Variants in PRSS3 observed in about 807,000 individuals in gnomAD.
The protein encoded by PRSS3 is trypsin-3.
PRSS3 carries 14 observed loss-of-function variants against 20.8 expected under a neutral mutation model. The ratio of observed to expected loss-of-function variants is 0.67; its 90% CI spans 0.44 to 1.05. The LOEUF (loss-of-function observed/expected upper bound fraction) is 1.05. Among genes scored for constraint, PRSS3 ranks in the 50% least tolerant of loss-of-function variants. The pLI is 0.00. For synonymous variants in PRSS3, 91 were observed against 117.6 expected, an observed-to-expected ratio of 0.77 and a Z score of 1.46; for missense variants, 237 against 306.4, an observed-to-expected ratio of 0.77 and a Z score of 1.69.
At chr9:33,770,501 G>A (rs770253574) in intron 1 of PRSS3, among the ~76,000 whole-genome samples, 1 of 152,188 alleles carries the variant, frequency 6.6e-6, no homozygotes, top group Non-Finnish European at 1.5e-5. Flanking sequence ...AGGGAGCAGA[G>A]GACAGGGTGT....
chr9:33,760,425 G>A (rs567518013), intron 1 of PRSS3, among the ~76,000 whole-genome samples: 281 of 152,228 alleles, frequency 1.8e-3, no homozygotes, highest in African/African-American at 5.5e-3. Flanking sequence ...AAGAGCCATG[G>A]AGAGTCCCTC....
upstream of PRSS3, among the ~76,000 whole-genome samples, chr9:33,792,026 C>A (rs1202359938): frequency 6.6e-6 from 1 of 152,178 alleles, no homozygotes; most frequent in Non-Finnish European, 1.5e-5. Flanking sequence ...TGCTCTGCGA[C>A]TCCATATTAC....
upstream of PRSS3, chr9:33,793,566 C>T (rs1824739715): frequency 1.8e-6 from 1 of 558,448 alleles, no homozygotes; most frequent in Admixed American, 6.4e-5. Flanking sequence ...ATTCAATCAT[C>T]TATTTCTGCC....
chr9:33,769,879 A>G (rs111476041), intron 1 of PRSS3, among the ~76,000 whole-genome samples: 1 of 152,226 alleles, frequency 6.6e-6, no homozygotes. Flanking sequence ...CAAGCCTTGG[A>G]ATTGGGCTGG....
chr9:33,794,768 T>G (rs1179686068), upstream of PRSS3: 5 of 1,550,396 alleles, frequency 3.2e-6, no homozygotes, highest in Non-Finnish European at 2.6e-6. Context: ...ACCGTGAGGC[T>G]GCATAAAAAG....
Position 33,798,646 on chromosome 9 carries a change from G to A in PRSS3, c.591+24G>A, listed in dbSNP as rs747264323. The A allele has an allele frequency of 2.4e-5, 38 of 1,613,760 alleles. No individual in the cohort carries two copies. The Admixed American group carries it at 4.5e-4, about 19-fold the overall frequency. On this transcript the variant is annotated intron_variant, in intron 4 of 4. Transcript: ENST00000379405. ...AGGTGATTTGACCCTTTCCCATGCT[G>A]AGGCTCCCACCGATACCCAGGCCCC... is the stretch of plus-strand genomic sequence containing the variant.
At chr9:33,796,445 C>A (rs1824943817) in intron 1 of PRSS3, among the ~76,000 whole-genome samples, 198 bp from the exon 2 acceptor site, 1 of 152,244 alleles carries the variant, frequency 6.6e-6, no homozygotes, top group Non-Finnish European at 1.5e-5. Flanking sequence ...CTGCAGGGTA[C>A]CTAGCTACGT....
intron 1 of PRSS3, among the ~76,000 whole-genome samples, chr9:33,778,929 T>A (rs1020473075): frequency 6.6e-6 from 1 of 152,230 alleles, no homozygotes; most frequent in African/African-American, 2.4e-5. Context: ...GCCATTACTC[T>A]TAAGCGCCAT....
At position 33,796,698 on chromosome 9, in the gene PRSS3, G is replaced by A. The variant is rs1223293760; in HGVS notation, c.96G>A (p.Glu32=). Residue 32 remains glutamate (E), a synonymous_variant, in exon 2 of 5, where the codon GAG becomes GAA. Transcript: ENST00000379405. ...DKIVGGYTCE[E]NSLPYQVSLN... Reference sequence around the variant, plus strand: ...TTGTTGGGGGCTACACCTGTGAGGAGAATTCTCTCCCCTACCAGGTGTCCC... The same window carrying A: ...TTGTTGGGGGCTACACCTGTGAGGAAAATTCTCTCCCCTACCAGGTGTCCC... 6.2e-7 allele frequency: 1 copy of A among 1,611,946 alleles called. No homozygotes were observed. Among genetic ancestry groups the A allele is most frequent in the Admixed American group, 1.7e-5 (1 of 59,922 alleles).
At chr9:33,772,503 C>T (rs1823752881) in intron 1 of PRSS3, among the ~76,000 whole-genome samples, 1 of 152,084 alleles carries the variant, frequency 6.6e-6, no homozygotes, top group Non-Finnish European at 1.5e-5. Flanking sequence ...TGTGACAGAG[C>T]CTGAGTTGCC....
chr9:33,766,401 G>A (rs1393900721), intron 1 of PRSS3, among the ~76,000 whole-genome samples: 7 of 150,182 alleles, frequency 4.7e-5, no homozygotes, highest in Non-Finnish European at 8.9e-5. Context: ...GTGAAACCCC[G>A]TTTCTACTAA....
chr9:33,777,713 A>C (rs1160819168), intron 1 of PRSS3, among the ~76,000 whole-genome samples: 3 of 151,294 alleles, frequency 2.0e-5, no homozygotes, highest in Non-Finnish European at 4.4e-5. Flanking sequence ...GTCTCAAAAA[A>C]AAAAAAAAAA....
chr9:33,751,159 C>A (rs2118681252), intron 1 of PRSS3, among the ~76,000 whole-genome samples: 1 of 152,302 alleles, frequency 6.6e-6, no homozygotes, highest in Middle Eastern at 3.4e-3. Context: ...AACGCGCGCC[C>A]CCGTGGATGC....
At chr9:33,770,426 A>ACTT (rs1823633882) in intron 1 of PRSS3, among the ~76,000 whole-genome samples, 2 of 152,156 alleles carry the variant, frequency 1.3e-5, no homozygotes, top group Non-Finnish European at 2.9e-5. Flanking sequence ...GGTCTGGGTT[A>ACTT]AGACTTCTGG....
chr9:33,751,747 G>A (rs12004983), intron 1 of PRSS3, among the ~76,000 whole-genome samples: 4,653 of 152,168 alleles, frequency 0.031, 247 homozygotes, highest in African/African-American at 0.11. Flanking sequence ...CATGAGAAAC[G>A]TGTACTGTTT....
chr9:33,798,878 C>T lies in PRSS3; in HGVS notation c.592-150C>T, dbSNP rs559169868. 3.7e-5 allele frequency: 43 copies of T among 1,168,740 alleles called. No homozygotes were observed. The African/African-American group carries it at 6.2e-4, about 17-fold the overall frequency. The allele number at this position is 1,168,740 out of a possible 1,614,324, so 72.4% of individuals were successfully genotyped here. On this transcript the variant is annotated intron_variant, in intron 4 of 4. Coordinates refer to ENST00000379405, the MANE Select transcript of PRSS3 (RefSeq NM_002771.4). Reference sequence around the variant, plus strand: ...GAGGCTCCCTTGTGCTGCACGCTGCCTGCTTAGGAAGAACAGAGAATGGGC... The same window carrying T: ...GAGGCTCCCTTGTGCTGCACGCTGCTTGCTTAGGAAGAACAGAGAATGGGC...
chr9:33,755,922 T>C (rs1350903597), intron 1 of PRSS3, among the ~76,000 whole-genome samples: 1 of 152,232 alleles, frequency 6.6e-6, no homozygotes, highest in African/African-American at 2.4e-5. Context: ...TCTGTTGTGA[T>C]TTATTTTCTC....
At chr9:33,760,455 CAAAT>C (rs1407945574) in intron 1 of PRSS3, among the ~76,000 whole-genome samples, 1 of 152,006 alleles carries the variant, frequency 6.6e-6, no homozygotes, top group Non-Finnish European at 1.5e-5. Context: ...CCCTATTTAA[CAAAT>C]AAAGAGGCCG....
chr9:33,778,675 T>G (rs1039676073), intron 1 of PRSS3, among the ~76,000 whole-genome samples: 37 of 152,170 alleles, frequency 2.4e-4, no homozygotes, highest in African/African-American at 8.9e-4. Flanking sequence ...AAAGACAGTT[T>G]TAAAATATAG....
Sources: allele counts gnomAD v4.1 joint callset (sites outside exome capture counted in the v4.1 genomes callset), GRCh38; gene constraint gnomAD v4.1.1; transcripts MANE v1.5; gene names NCBI Gene and HGNC (gene_info 2026-07-23, HGNC 2026-07-21).